RBFOX1: variants seen among roughly 807,000 people sequenced by gnomAD.
RBFOX1 encodes the protein RNA binding fox-1 homolog 1, also known as RNA binding protein fox-1 homolog 1.
In RBFOX1, 8 loss-of-function variants were observed where a neutral mutation model predicts 57.7. That is an observed-to-expected ratio of 0.14 (90% CI 0.08 to 0.25). The LOEUF (loss-of-function observed/expected upper bound fraction) is 0.25. RBFOX1 is among the 10% of genes least tolerant of loss of function. The pLI, the probability that RBFOX1 is intolerant of heterozygous loss-of-function variation, is 1.00. For missense variants in RBFOX1, 611 were observed against 548.5 expected (o/e 1.11, Z -1.14); for synonymous variants, 326 against 222.4 (o/e 1.47, Z -4.15).
intron 3 of RBFOX1, among the ~76,000 whole-genome samples, chr16:5,746,144 G>C (rs1276256898): frequency 1.3e-5 from 2 of 152,150 alleles, no homozygotes; most frequent in Admixed American, 6.5e-5. Flanking sequence ...TCCAGTTTCA[G>C]CTTTCTCTAT....
chr16:5,333,728 C>T (rs1340450930), intron 1 of RBFOX1, among the ~76,000 whole-genome samples: 8 of 152,204 alleles, frequency 5.3e-5, no homozygotes, highest in African/African-American at 7.2e-5. Flanking sequence ...TAGTCTGCTA[C>T]ACACCTAGGC....
At chr16:6,399,352 A>T (rs2092973175) in intron 2 of RBFOX1, among the ~76,000 whole-genome samples, 4 of 152,162 alleles carry the variant, frequency 2.6e-5, no homozygotes, top group East Asian at 1.9e-4. Context: ...CTTGTTACTT[A>T]TGCGGATTTC....
chr16:5,507,699 C>A (rs1309508667), intron 2 of RBFOX1, among the ~76,000 whole-genome samples: 3 of 151,996 alleles, frequency 2.0e-5, no homozygotes, highest in African/African-American at 7.3e-5. Context: ...TGACTGGTGT[C>A]CTTATAAAAA....
chr16:7,133,403 G>C (rs185371969), intron 4 of RBFOX1, among the ~76,000 whole-genome samples: 1 of 152,150 alleles, frequency 6.6e-6, no homozygotes, highest in African/African-American at 2.4e-5. Context: ...TCATTGCAAT[G>C]GTCATGTTTT....
chr16:7,536,430 C>G (rs1210309953), intron 5 of RBFOX1, among the ~76,000 whole-genome samples: 1 of 152,020 alleles, frequency 6.6e-6, no homozygotes, highest in Admixed American at 6.6e-5. Context: ...CCTGTGTCTA[C>G]TAAAAATACA....
At chr16:5,972,606 G>C (rs1021715450) in intron 4 of RBFOX1, among the ~76,000 whole-genome samples, 4 of 152,220 alleles carry the variant, frequency 2.6e-5, no homozygotes, top group African/African-American at 9.6e-5. Flanking sequence ...GGAATAATTG[G>C]TTGCGGGCAA....
chr16:5,891,163 C>G (rs532093218), intron 4 of RBFOX1, among the ~76,000 whole-genome samples: 2 of 151,982 alleles, frequency 1.3e-5, no homozygotes, highest in Non-Finnish European at 2.9e-5. Flanking sequence ...AGGATTTTTT[C>G]TTTGCACAAA....
intron 3 of RBFOX1, among the ~76,000 whole-genome samples, chr16:6,709,276 A>G (rs1355411629): frequency 3.3e-5 from 5 of 152,176 alleles, no homozygotes; most frequent in Non-Finnish European, 1.5e-5. Flanking sequence ...TTAAGCATCT[A>G]ACTGTGCAGA....
At chr16:6,406,295 C>T (rs1349503918) in intron 2 of RBFOX1, among the ~76,000 whole-genome samples, 1 of 151,842 alleles carries the variant, frequency 6.6e-6, no homozygotes, top group Non-Finnish European at 1.5e-5. Flanking sequence ...TGAACTTCCA[C>T]CGCAGTGGTC....
intron 3 of RBFOX1, chr16:5,611,544 G>C (rs987046287): frequency 6.6e-6 from 1 of 152,022 alleles, no homozygotes; most frequent in Non-Finnish European, 1.5e-5. Flanking sequence ...TTGCACTTCT[G>C]TGTACTCAAC....
rs75553824 is a variant in RBFOX1, at chr16:6,370,583, G to A, written c.-64+53526G>A. Among the ~76,000 whole-genome samples the A allele has an allele frequency of 1.8e-3, 275 of 152,126 alleles. 2 individuals are homozygous for A. Among genetic ancestry groups the A allele is most frequent in the African/African-American group, 6.3e-3 (260 of 41,496 alleles). On this transcript the variant is annotated intron_variant, in intron 2 of 15. Transcript: ENST00000550418. The stretch of plus-strand genomic sequence containing the variant: ...TTACGCTAAGTGAAAGAAACCAGTC[G>A]CAAAAGGACAAATATTGTATGATTC...
chr16:6,107,085 C>G (rs17134950), intron 1 of RBFOX1, among the ~76,000 whole-genome samples: 98,003 of 152,100 alleles, frequency 0.64, 32,003 homozygotes, highest in African/African-American at 0.74. Flanking sequence ...CCTGCCTCCT[C>G]TTATGTTGCT....
At chr16:6,790,606 C>T (rs941099021) in intron 3 of RBFOX1, among the ~76,000 whole-genome samples, 29 of 152,156 alleles carry the variant, frequency 1.9e-4, no homozygotes, top group African/African-American at 6.5e-4. Flanking sequence ...CAATTCAGCA[C>T]ATGTTTTTAA....
At chr16:6,692,688 A>G (rs1281880671) in intron 3 of RBFOX1, among the ~76,000 whole-genome samples, 2 of 151,616 alleles carry the variant, frequency 1.3e-5, no homozygotes, top group Non-Finnish European at 2.9e-5. Flanking sequence ...TTTAACCAAC[A>G]CCTAGTTGAA....
chr16:6,804,184 A>T (rs966825735), intron 3 of RBFOX1, among the ~76,000 whole-genome samples: 6 of 151,818 alleles, frequency 4.0e-5, no homozygotes, highest in African/African-American at 1.5e-4. Context: ...ACTTGTTTGT[A>T]TTTTTAGTAG....
At chr16:7,626,188 T>C (rs972115513) in intron 10 of RBFOX1, among the ~76,000 whole-genome samples, 1 of 152,206 alleles carries the variant, frequency 6.6e-6, no homozygotes, top group Non-Finnish European at 1.5e-5. Flanking sequence ...TGAGTCCAGT[T>C]TTCCTCACTT....
At chr16:7,699,354 G>C (rs1010763286) in intron 14 of RBFOX1, among the ~76,000 whole-genome samples, 2 of 152,114 alleles carry the variant, frequency 1.3e-5, no homozygotes. Flanking sequence ...ACCACACCCA[G>C]CTGATATCTT....
intron 1 of RBFOX1, among the ~76,000 whole-genome samples, chr16:5,453,044 TCTCTTA>T (rs1288927468): frequency 6.6e-6 from 1 of 152,232 alleles, no homozygotes; most frequent in Non-Finnish European, 1.5e-5. Context: ...TCTGTTTACC[TCTCTTA>T]CTTTGTCCCT....
At chr16:7,193,366 C>A (rs1602505701) in intron 4 of RBFOX1, among the ~76,000 whole-genome samples, 1 of 152,274 alleles carries the variant, frequency 6.6e-6, no homozygotes. Context: ...AAAGAACATG[C>A]CCCACAAACT....
Sources: allele counts gnomAD v4.1 joint callset (sites outside exome capture counted in the v4.1 genomes callset), GRCh38; gene constraint gnomAD v4.1.1; transcripts MANE v1.5; gene names NCBI Gene and HGNC (gene_info 2026-07-23, HGNC 2026-07-21).